Variants in MID1 observed in about 807,000 individuals in gnomAD.
The protein encoded by MID1 is midline 1.
Under a neutral mutation model 40.4 loss-of-function variants are expected in MID1, and 7 were observed. That is an observed-to-expected ratio of 0.17 (90% confidence interval 0.10 to 0.33). MID1 has a LOEUF of 0.33. MID1 is among the 10% of genes least tolerant of loss of function. The pLI, the probability that MID1 is intolerant of heterozygous loss-of-function variation, is 1.00. For missense variants in MID1, 367 were observed against 558.5 expected (o/e 0.66, Z 3.46); for synonymous variants, 229 against 221.2 (o/e 1.04, Z -0.31).
At chrX:10,726,847 C>G (rs1251357114) in intron 1 of MID1, among the ~76,000 whole-genome samples, 1 of 112,822 alleles carries the variant, frequency 8.9e-6, no homozygotes, top group Non-Finnish European at 1.9e-5. Context: ...GAACTGCTGA[C>G]TAAACTCTTT....
chrX:10,725,586 C>T (rs1390729299), intron 1 of MID1, among the ~76,000 whole-genome samples: 2 of 111,813 alleles, frequency 1.8e-5, no homozygotes, highest in African/African-American at 3.3e-5. Context: ...AGGCCTGGTA[C>T]GGTGGCTCAC....
At chrX:10,646,931 G>T (rs1031814538) in intron 1 of MID1, among the ~76,000 whole-genome samples, 6 of 111,614 alleles carry the variant, frequency 5.4e-5, no homozygotes, top group African/African-American at 2.0e-4. Context: ...TTATATCAGA[G>T]AAACGAAAAG....
chrX:10,648,162 C>T (rs933505575), intron 1 of MID1, among the ~76,000 whole-genome samples: 12 of 111,949 alleles, frequency 1.1e-4, no homozygotes, highest in Admixed American at 3.8e-4. Flanking sequence ...TATGTATTTT[C>T]GTAGCTATGG....
chrX:10,605,738 A>G (rs1245759929), intron 1 of MID1, among the ~76,000 whole-genome samples: 1 of 111,954 alleles, frequency 8.9e-6, no homozygotes, highest in Non-Finnish European at 1.9e-5. Context: ...TCTGCATTTC[A>G]GTGTATTCTT....
chrX:10,521,925 G>C (rs753297854), intron 3 of MID1, among the ~76,000 whole-genome samples: 1 of 111,728 alleles, frequency 9.0e-6, no homozygotes, highest in African/African-American at 3.3e-5. Context: ...CTGCAGCCTC[G>C]ATTTCCCAGG....
intron 3 of MID1, chrX:10,505,972 A>G: frequency 1.3e-6 from 1 of 755,976 alleles, no homozygotes; most frequent in South Asian, 6.7e-5. Flanking sequence ...GGTATTCCGT[A>G]CAGTGAGTGA....
At chrX:10,808,191 A>G (rs926835869) in intron 1 of MID1, among the ~76,000 whole-genome samples, 1 of 112,063 alleles carries the variant, frequency 8.9e-6, no homozygotes, top group African/African-American at 3.2e-5. Context: ...GGAGAGGCTG[A>G]GGTGAAAGCC....
chrX:10,815,452 C>T (rs1241061822), intron 1 of MID1, among the ~76,000 whole-genome samples: 2 of 112,540 alleles, frequency 1.8e-5, no homozygotes, highest in East Asian at 2.8e-4. Flanking sequence ...AAATGGTTTA[C>T]TTGGCTCTTA....
At chrX:10,629,553 G>A (rs190031219) in intron 1 of MID1, among the ~76,000 whole-genome samples, 10 of 111,853 alleles carry the variant, frequency 8.9e-5, no homozygotes, top group African/African-American at 3.2e-4. Flanking sequence ...TTTGGGCTGT[G>A]TTCATCCAAT....
chrX:10,467,362 CA>C (rs1321145932), intron 7 of MID1, among the ~76,000 whole-genome samples: 3 of 111,955 alleles, frequency 2.7e-5, no homozygotes, highest in African/African-American at 9.7e-5. Flanking sequence ...AGAAGGTGAG[CA>C]AAATGTTACT....
intron 1 of MID1, among the ~76,000 whole-genome samples, chrX:10,672,265 A>C (rs2042992265): frequency 9.0e-6 from 1 of 111,100 alleles, no homozygotes. Flanking sequence ...TAGTCAGAAC[A>C]ATGCTCCCCA....
In MID1 at chrX:10,449,376, G is replaced by A; in HGVS notation, c.1996C>T (p.Leu666=). 1 of 1,208,474 alleles carries A rather than the reference G, an allele frequency of 8.3e-7. No individual in the cohort carries two copies. Among genetic ancestry groups the A allele is most frequent in the Non-Finnish European group, 1.1e-6 (1 of 892,874 alleles). ...IPDHLDCTEQ[L]P The stretch of plus-strand genomic sequence containing the variant: ...TCCATGTGGCCAGACGCTCACGGCA[G>A]CTGCTCTGTGCAGTCCAAATGGTCT... The change falls in exon 10 of 10, where the codon CTG becomes TTG. Residue 666 remains leucine, a synonymous_variant. Coordinates refer to ENST00000317552, the MANE Select transcript of MID1 (RefSeq NM_000381.4).
chrX:10,670,877 A>G (rs1435634275), intron 1 of MID1, among the ~76,000 whole-genome samples: 2 of 112,095 alleles, frequency 1.8e-5, no homozygotes, highest in African/African-American at 3.2e-5. Context: ...GAAAAGAACT[A>G]TGCTCTCACT....
At chrX:10,833,072 G>A (rs2044263089) in intron 1 of MID1, among the ~76,000 whole-genome samples, 1 of 112,545 alleles carries the variant, frequency 8.9e-6, no homozygotes, top group South Asian at 3.6e-4. Context: ...TATTACATAT[G>A]CAGGATGCAA....
intron 1 of MID1, among the ~76,000 whole-genome samples, chrX:10,734,028 C>G: frequency 8.9e-6 from 1 of 112,072 alleles, no homozygotes; most frequent in East Asian, 2.8e-4. Context: ...TCATAACAGT[C>G]CCAAACTGTA....
intron 1 of MID1, among the ~76,000 whole-genome samples, chrX:10,574,634 A>T (rs1358021188): frequency 8.9e-6 from 1 of 112,262 alleles, no homozygotes; most frequent in Admixed American, 9.4e-5. Context: ...TCCTACAAGT[A>T]TTCTAGGTTA....
intron 1 of MID1, among the ~76,000 whole-genome samples, chrX:10,599,722 C>A (rs1217427930): frequency 8.9e-6 from 1 of 112,339 alleles, no homozygotes; most frequent in Non-Finnish European, 1.9e-5. Context: ...CACGCACAAA[C>A]ACTTAAATAT....
intron 1 of MID1, among the ~76,000 whole-genome samples, chrX:10,672,409 T>C (rs993411809): frequency 3.6e-5 from 4 of 111,439 alleles, no homozygotes; most frequent in Non-Finnish European, 7.5e-5. Context: ...GATCTAAGGA[T>C]GCAAGATGGG....
intron 2 of MID1, among the ~76,000 whole-genome samples, chrX:10,539,745 C>T (rs1448856262): frequency 8.9e-6 from 1 of 112,646 alleles, no homozygotes; most frequent in African/African-American, 3.2e-5. Context: ...CTTCTCTTTT[C>T]TTTTCTTTCT....
Sources: gnomAD v4.1 joint callset for allele counts (sites outside exome capture counted in the v4.1 genomes callset) on GRCh38, gnomAD v4.1.1 for gene constraint, MANE v1.5 for transcripts, NCBI Gene and HGNC (gene_info 2026-07-23, HGNC 2026-07-21) for gene names.